Variants in F5 observed in about 807,000 individuals in gnomAD.
F5 encodes the protein coagulation factor V.
Under a neutral mutation model 216.4 loss-of-function variants are expected in F5, and 138 were observed. The ratio of observed to expected loss-of-function variants is 0.64; its 90% CI spans 0.56 to 0.73. The LOEUF (loss-of-function observed/expected upper bound fraction) is 0.73. F5 is among the 30% of genes least tolerant of loss of function. F5 has a pLI of 0.00. For missense variants in F5, 2,403 were observed against 2,674.0 expected (o/e 0.90, Z 2.24); for synonymous variants, 916 against 930.7 (o/e 0.98, Z 0.29).
chr1:169,579,275 C>T (rs1660935181), intron 2 of F5, among the ~76,000 whole-genome samples: 1 of 152,080 alleles, frequency 6.6e-6, no homozygotes, highest in African/African-American at 2.4e-5. Context: ...ATTTCTTCTC[C>T]CCTCCCTGAA....
At chr1:169,537,363 C>T (rs1332888077) in intron 13 of F5, among the ~76,000 whole-genome samples, 2 of 152,118 alleles carry the variant, frequency 1.3e-5, no homozygotes, top group African/African-American at 4.8e-5. Flanking sequence ...CTAAAAGTAG[C>T]CACTCTTCTC....
intron 5 of F5, among the ~76,000 whole-genome samples, 191 bp downstream of exon 5, chr1:169,558,962 C>CAA (rs1385766174): frequency 1.3e-5 from 2 of 151,042 alleles, no homozygotes; most frequent in Non-Finnish European, 2.9e-5. Flanking sequence ...CAAGGCTGCA[C>CAA]ATTTCTTCTC....
chr1:169,537,760 A>T (rs947119859), intron 13 of F5, among the ~76,000 whole-genome samples: 3 of 152,168 alleles, frequency 2.0e-5, no homozygotes, highest in African/African-American at 7.2e-5. Flanking sequence ...AGAGAAATGC[A>T]ATTTAAAATC....
chr1:169,552,791 A>G (rs893893963), intron 7 of F5, 57 bp from the exon 8 acceptor site: 3 of 1,291,096 alleles, frequency 2.3e-6, no homozygotes, highest in East Asian at 4.6e-5. Context: ...TCTCGGTAGG[A>G]TGGGGAAACC....
intron 3 of F5, among the ~76,000 whole-genome samples, chr1:169,569,221 A>G (rs1482906631): frequency 6.6e-6 from 1 of 152,120 alleles, no homozygotes; most frequent in African/African-American, 2.4e-5. Flanking sequence ...AAGCATTGGA[A>G]TGTTTTGGAA....
At chr1:169,559,067 A>C in intron 5 of F5, 86 bp downstream of exon 5, 2 of 1,471,122 alleles carry the variant, frequency 1.4e-6, no homozygotes, top group Admixed American at 1.7e-5. Flanking sequence ...GAGTATGGTC[A>C]ACTTCTCTAG....
intron 7 of F5, 36 bp downstream of exon 7, chr1:169,555,146 A>T (rs771483551): frequency 9.3e-6 from 15 of 1,613,252 alleles, no homozygotes; most frequent in Admixed American, 1.7e-5. Flanking sequence ...ATGTGTCTTG[A>T]ACCTTTGCCC....
rs551923304 is a variant in F5, at chr1:169,566,881, C to T, written c.373+5340G>A. 3.3e-5 allele frequency among the ~76,000 whole-genome samples: 5 copies of T among 152,070 alleles called. No homozygotes were observed. The East Asian group carries it at 9.7e-4, about 29-fold the overall frequency. ...CCAGTCATGTTGCAATTAATACAGC[C>T]TCTTTCCTTTATGTTCTACTTTAGA... On this transcript the variant is annotated intron_variant, in intron 3 of 24. Coordinates refer to ENST00000367797, the MANE Select transcript of F5 (RefSeq NM_000130.5).
At chr1:169,544,269 T>A (rs1659942807) in intron 12 of F5, 27 bp downstream of exon 12, 2 of 1,602,256 alleles carry the variant, frequency 1.2e-6, no homozygotes, top group East Asian at 4.5e-5. Flanking sequence ...GCAAGCTTCC[T>A]CTGTGAGTGT....
rs1165178830 is a variant in F5 at position 169,514,404 on chromosome 1, G to C, written c.6584C>G (p.Pro2195Arg). The C allele has an allele frequency of 6.2e-7, 1 of 1,612,946 alleles. No homozygotes were observed. The highest frequency in any genetic ancestry group is 8.5e-7 in the Non-Finnish European group (1 of 1,179,244). Reference protein sequence around the residue: ...KGHVKNFFNPPIISRFIRVIP... With the variant: ...KGHVKNFFNPRIISRFIRVIP... ...GACACGGATAAACCTGGAAATGATT[G>C]GGGGGTTGAAAAAGTTCTTCACATG... Residue 2195 changes from proline to arginine, a missense_variant, in exon 25 of 25, where the codon CCA becomes CGA. By Grantham distance (103) the Pro-to-Arg change is moderately radical. Coordinates refer to ENST00000367797, the MANE Select transcript of F5 (RefSeq NM_000130.5).
intron 23 of F5, among the ~76,000 whole-genome samples, chr1:169,516,588 A>G (rs1423748079): frequency 1.3e-5 from 2 of 152,210 alleles, no homozygotes; most frequent in Non-Finnish European, 2.9e-5. Context: ...AGTCTATAAC[A>G]TCCTCTAGTG....
chr1:169,515,790 C>T, intron 23 of F5, 164 bp from the exon 24 acceptor site: 1 of 654,994 alleles, frequency 1.5e-6, no homozygotes, highest in Non-Finnish European at 2.6e-6. Flanking sequence ...TTCTTCATTG[C>T]CACAATATGT....
chr1:169,561,193 G>T (rs1233202353), intron 3 of F5, among the ~76,000 whole-genome samples: 1 of 152,010 alleles, frequency 6.6e-6, no homozygotes, highest in African/African-American at 2.4e-5. Context: ...GTATTATTTT[G>T]TTTTGCTATT....
chr1:169,586,164 T>A (rs1571608242), intron 1 of F5, 65 bp downstream of exon 1: 2 of 1,582,240 alleles, frequency 1.3e-6, no homozygotes, highest in East Asian at 4.5e-5. Flanking sequence ...GCAAAGGGAA[T>A]GTTCTCTAAA....
intron 10 of F5, 88 bp from the exon 11 acceptor site, chr1:169,546,680 A>G: frequency 2.7e-6 from 3 of 1,112,094 alleles, no homozygotes; most frequent in Non-Finnish European, 2.7e-6. Context: ...AAGGCTGCGC[A>G]CCTACAACTA....
At chr1:169,572,691 A>T (rs1358006322) in intron 2 of F5, among the ~76,000 whole-genome samples, 1 of 152,204 alleles carries the variant, frequency 6.6e-6, no homozygotes, top group Admixed American at 6.5e-5. Context: ...ACAGAGGGTG[A>T]TGCGAGAGGG....
At position 169,540,111 on chromosome 1, in the gene F5, G is replaced by A. The variant is rs375180972; in HGVS notation, c.4796+183C>T. Among the ~76,000 whole-genome samples, 4 of 152,048 alleles carry A rather than the reference G, an allele frequency of 2.6e-5. No homozygotes were observed. In the East Asian group the frequency reaches 5.8e-4, roughly 22 times the overall value. On this transcript the variant is annotated intron_variant, in intron 13 of 24. Coordinates refer to ENST00000367797, the MANE Select transcript of F5 (RefSeq NM_000130.5). Reference sequence around the variant, plus strand: ...AGTGATTGTTCTTATATTGTCCAGGGGTCATCTAAGGTAAAGAAGCAATCT... The same window carrying A: ...AGTGATTGTTCTTATATTGTCCAGGAGTCATCTAAGGTAAAGAAGCAATCT...
At chr1:169,549,442 C>T (rs1399312884) in intron 10 of F5, among the ~76,000 whole-genome samples, 1 of 152,160 alleles carries the variant, frequency 6.6e-6, no homozygotes, top group East Asian at 1.9e-4. Flanking sequence ...TCTCACTGAA[C>T]CCCCAAACAG....
chr1:169,551,450 G>C (rs9332586), intron 8 of F5, among the ~76,000 whole-genome samples: 3 of 151,966 alleles, frequency 2.0e-5, no homozygotes, highest in Non-Finnish European at 2.9e-5. Flanking sequence ...ACCCTTGGTG[G>C]GGGGGAAAAG....
Sources: gnomAD v4.1 joint callset for allele counts (sites outside exome capture counted in the v4.1 genomes callset) on GRCh38, gnomAD v4.1.1 for gene constraint, MANE v1.5 for transcripts, NCBI Gene and HGNC (gene_info 2026-07-23, HGNC 2026-07-21) for gene names.